Variants in DMD observed in about 807,000 individuals in gnomAD.
The protein encoded by DMD is dystrophin, also known as mutant dystrophin.
In DMD, 63 loss-of-function variants were observed where a neutral mutation model predicts 330.1. That is an observed-to-expected ratio of 0.19 (90% confidence interval 0.16 to 0.24). The LOEUF (loss-of-function observed/expected upper bound fraction) is 0.24, where lower values mean the gene tolerates loss of function less well. Among genes scored for constraint, DMD ranks in the 10% least tolerant of loss-of-function variants. The probability of loss-of-function intolerance (pLI) is 1.00; values close to 1 mark genes in which losing one functional copy is unlikely to be tolerated. For synonymous variants in DMD, 1,223 were observed against 959.8 expected, an observed-to-expected ratio of 1.27 and a Z score of -5.07; for missense variants, 3,344 against 2,684.1, an observed-to-expected ratio of 1.25 and a Z score of -5.43.
intron 22 of DMD, among the ~76,000 whole-genome samples, chrX:32,470,152 A>C (rs1337804853): frequency 4.5e-5 from 5 of 111,203 alleles, no homozygotes; most frequent in Non-Finnish European, 9.4e-5. Context: ...TTTACAATTT[A>C]AGTTACAATT....
At chrX:33,257,920 C>T (rs1425895452) in intron 1 of DMD, among the ~76,000 whole-genome samples, 1 of 110,709 alleles carries the variant, frequency 9.0e-6, no homozygotes, top group African/African-American at 3.3e-5. Context: ...CTCTCAGTTG[C>T]ACAAAAGATC....
Position 32,215,725 on chromosome X carries a change from ACCC to A in DMD, c.6438+1188_6438+1190del, listed in dbSNP as rs2097109920. On this transcript the variant is annotated intron_variant, in intron 44 of 78. Coordinates refer to ENST00000357033, the MANE Select transcript of DMD (RefSeq NM_004006.3). Reference sequence around the variant, plus strand: ...ATATGTTTCTGCCTCTCAGGCAGAAACCCCATTATGCTACATTAGCCCAAAATT... The same window carrying A: ...ATATGTTTCTGCCTCTCAGGCAGAAACATTATGCTACATTAGCCCAAAATT... 4.5e-5 allele frequency among the ~76,000 whole-genome samples: 5 copies of A among 110,047 alleles called. No homozygotes were observed. In the South Asian group the frequency reaches 1.9e-3, roughly 42 times the overall value.
At chrX:31,291,856 C>G (rs1270812015) in intron 62 of DMD, among the ~76,000 whole-genome samples, 1 of 110,841 alleles carries the variant, frequency 9.0e-6, no homozygotes, top group Non-Finnish European at 1.9e-5. Flanking sequence ...GAAATACTAT[C>G]AAATGAATTC....
At chrX:33,095,964 ATTTTTTTTTTTT>A (rs35906927) in intron 1 of DMD, among the ~76,000 whole-genome samples, 11 of 51,551 alleles carry the variant, frequency 2.1e-4, no homozygotes, top group East Asian at 1.8e-3. Flanking sequence ...TTCTTCCAGA[ATTTTTTTTTTTT>A]TTTTTTTTTT....
chrX:31,559,688 T>C (rs1294059232), intron 55 of DMD, among the ~76,000 whole-genome samples: 7 of 102,260 alleles, frequency 6.8e-5, no homozygotes, highest in Middle Eastern at 5.1e-3. Flanking sequence ...CTGGTTCCAG[T>C]GTAAATTCTT....
chrX:32,726,792 GAATT>G (rs1054038060), intron 7 of DMD, among the ~76,000 whole-genome samples: 2 of 110,383 alleles, frequency 1.8e-5, no homozygotes, highest in Admixed American at 9.7e-5. Flanking sequence ...TAATTACCCT[GAATT>G]AATTATCACA....
intron 12 of DMD, among the ~76,000 whole-genome samples, chrX:32,596,140 C>T (rs1221567605): frequency 9.0e-6 from 1 of 110,756 alleles, no homozygotes; most frequent in East Asian, 2.9e-4. Context: ...ATCCCACCCC[C>T]TTTCTCCCTT....
chrX:32,394,194 G>T (rs187830731), intron 30 of DMD, among the ~76,000 whole-genome samples: 319 of 111,805 alleles, frequency 2.9e-3, no homozygotes, highest in Non-Finnish European at 4.3e-3. Context: ...GAAGCACAAA[G>T]CTCAGGGCCA....
chrX:32,929,226 AT>A (rs919726415), intron 2 of DMD, among the ~76,000 whole-genome samples: 2 of 111,130 alleles, frequency 1.8e-5, no homozygotes, highest in African/African-American at 6.5e-5. Flanking sequence ...GTGTAATTAT[AT>A]TAAGAAGGGG....
At position 32,552,228 on chromosome X, in the gene DMD, T is replaced by C. The variant is rs1477440971; in HGVS notation, c.1993-6894A>G. 9.9e-5 allele frequency among the ~76,000 whole-genome samples: 11 copies of C among 111,520 alleles called. No individual in the cohort carries two copies. In the Admixed American group the frequency reaches 1.1e-3, roughly 11 times the overall value. ...CCCATTGCCTGACTGCAAACTATAC[T>C]ACAAGGATATAGTAACCAAAACAGC... On this transcript the variant is annotated intron_variant, in intron 16 of 78. Transcript: ENST00000357033.
intron 1 of DMD, among the ~76,000 whole-genome samples, chrX:33,077,483 G>GC (rs2094861918): frequency 9.0e-6 from 1 of 111,257 alleles, no homozygotes; most frequent in Non-Finnish European, 1.9e-5. Context: ...ATGGGAAAAG[G>GC]CCGTCGATCG....
intron 47 of DMD, among the ~76,000 whole-genome samples, chrX:31,925,645 G>A (rs2094760780): frequency 9.0e-6 from 1 of 111,206 alleles, no homozygotes; most frequent in African/African-American, 3.3e-5. Context: ...GCCGAGGTGG[G>A]CAGATCACCT....
intron 74 of DMD, among the ~76,000 whole-genome samples, chrX:31,166,468 G>A (rs1283459125): frequency 9.0e-6 from 1 of 111,427 alleles, no homozygotes; most frequent in East Asian, 2.8e-4. Flanking sequence ...AGGACTTGGG[G>A]CAATCTCAAT....
intron 43 of DMD, among the ~76,000 whole-genome samples, chrX:32,229,711 T>TCTCAAAGAGTTTCATC (rs1569552134): frequency 4.9e-5 from 4 of 82,369 alleles, no homozygotes; most frequent in Non-Finnish European, 7.0e-5. Flanking sequence ...TATATATATA[T>TCTCAAAGAGTTTCATC]ATATATATAT....
intron 44 of DMD, among the ~76,000 whole-genome samples, chrX:31,970,372 A>G (rs2095388069): frequency 9.0e-6 from 1 of 111,025 alleles, no homozygotes; most frequent in Non-Finnish European, 1.9e-5. Flanking sequence ...AGATTCAAAT[A>G]AATAAGCACA....
At chrX:32,889,401 T>A (rs1293833808) in intron 2 of DMD, among the ~76,000 whole-genome samples, 3 of 110,703 alleles carry the variant, frequency 2.7e-5, no homozygotes, top group African/African-American at 9.9e-5. Context: ...AAGGTCCCTA[T>A]GGGATGAATT....
chrX:32,960,347 C>A (rs918039176), intron 2 of DMD: 3 of 111,333 alleles, frequency 2.7e-5, no homozygotes, highest in Non-Finnish European at 5.7e-5. Flanking sequence ...CCTGCACAGA[C>A]CTGAACAAAA....
intron 30 of DMD, among the ~76,000 whole-genome samples, chrX:32,407,272 T>A (rs1308256213): frequency 1.8e-5 from 2 of 110,883 alleles, no homozygotes; most frequent in Non-Finnish European, 3.8e-5. Context: ...CTCAAACAAA[T>A]GTACAAGAAA....
At position 31,268,628 on chromosome X, in the gene DMD, G is replaced by A. The variant is rs911173420; in HGVS notation, c.9225-7612C>T. ...GTCTGCTCCGATCCTTGGGGAAGAGGGATTAGTGTCCTGTAATGAGGAAGT... is the reference window on the plus strand; with the variant it reads ...GTCTGCTCCGATCCTTGGGGAAGAGAGATTAGTGTCCTGTAATGAGGAAGT... On this transcript the variant is annotated intron_variant, in intron 62 of 78. Coordinates refer to ENST00000357033, the MANE Select transcript of DMD (RefSeq NM_004006.3). Among the ~76,000 whole-genome samples, 22 of 111,737 alleles carry A rather than the reference G, an allele frequency of 2.0e-4. 1 individual carries two copies.
Sources: allele counts gnomAD v4.1 joint callset (sites outside exome capture counted in the v4.1 genomes callset), GRCh38; gene constraint gnomAD v4.1.1; transcripts MANE v1.5; gene names NCBI Gene and HGNC (gene_info 2026-07-23, HGNC 2026-07-21).